The following METTL21A variants were observed in gnomAD, a reference collection of about 807,000 sequenced individuals.
The protein encoded by METTL21A is protein N-lysine methyltransferase METTL21A.
In METTL21A, 22 loss-of-function variants were observed where a neutral mutation model predicts 20.9. That is an observed-to-expected ratio of 1.05 (90% CI 0.75 to 1.50). The LOEUF (loss-of-function observed/expected upper bound fraction) is 1.50, where lower values mean the gene tolerates loss of function less well. METTL21A is among the 40% of genes most tolerant of loss of function. The pLI, the probability that METTL21A is intolerant of heterozygous loss-of-function variation, is 0.00. For missense variants in METTL21A, 271 were observed against 266.8 expected (o/e 1.02, Z -0.11); for synonymous variants, 93 against 102.0 (o/e 0.91, Z 0.53).
rs573459246 is a variant in METTL21A at position 207,582,914 on chromosome 2, A to C, written c.260-754T>G. 7.3e-3 allele frequency: 1,974 copies of C among 271,224 alleles called. 32 individuals are homozygous for C. Among genetic ancestry groups the C allele is most frequent in the African/African-American group, 0.03 (1,208 of 40,906 alleles). The allele number at this position is 271,224 out of a possible 1,614,324, so 16.8% of individuals were successfully genotyped here. ...TCAAAAAAACAAACAAACAAACAAA[A>C]AAAAATATATATATATACATACACA... On this transcript the variant is annotated intron_variant, in intron 3 of 3. Transcript: ENST00000425132.
At chr2:207,580,644 A>C (rs2082852407), downstream of METTL21A, 1 of 220,026 alleles carries the variant, frequency 4.5e-6, no homozygotes. Context: ...ATCACTATCC[A>C]AATTGCCATT....
intron 2 of METTL21A, among the ~76,000 whole-genome samples, chr2:207,623,954 A>C (rs1209786009): frequency 6.6e-6 from 1 of 152,178 alleles, no homozygotes; most frequent in Non-Finnish European, 1.5e-5. Context: ...TTACACCTTT[A>C]AAATGTAATC....
chr2:207,592,426 C>T (rs1049323787), intron 3 of METTL21A, among the ~76,000 whole-genome samples: 1 of 151,130 alleles, frequency 6.6e-6, no homozygotes, highest in African/African-American at 2.4e-5. Flanking sequence ...AAAGATGTCA[C>T]TTTTTTTCTT....
downstream of METTL21A, chr2:207,581,064 CTTTA>C (rs2082900912): frequency 4.7e-6 from 1 of 213,994 alleles, no homozygotes. Context: ...CTTTATGTAA[CTTTA>C]CATTGTAGGG....
At chr2:207,621,624 GA>G (rs2090489867) in intron 3 of METTL21A, among the ~76,000 whole-genome samples, 181 bp downstream of exon 3, 1 of 152,108 alleles carries the variant, frequency 6.6e-6, no homozygotes, top group African/African-American at 2.4e-5. Context: ...TAGAGAGAGA[GA>G]AATTAGCCCG....
chr2:207,600,067 TAGAA>T (rs2086770770), intron 3 of METTL21A: 3 of 187,012 alleles, frequency 1.6e-5, no homozygotes, highest in African/African-American at 2.3e-5. Context: ...AAAAGTGGCT[TAGAA>T]AGGGCTAGAT....
intron 3 of METTL21A, among the ~76,000 whole-genome samples, chr2:207,596,227 A>G (rs1438481238): frequency 6.6e-6 from 1 of 152,158 alleles, no homozygotes; most frequent in African/African-American, 2.4e-5. Context: ...AGAGACTGTT[A>G]GATTTTTTTA....
At chr2:207,597,804 G>T in intron 3 of METTL21A, 1 of 196,538 alleles carries the variant, frequency 5.1e-6, no homozygotes, top group East Asian at 8.0e-5. Context: ...GACAAAGCAT[G>T]GTATTTGAAT....
chr2:207,581,999 G>A, exon 4 of METTL21A: 1 of 700,192 alleles, frequency 1.4e-6, no homozygotes, highest in South Asian at 1.5e-5. Context: ...CAGAGGTATA[G>A]TGTGCCTTTC....
At chr2:207,598,923 A>C (rs1487951098) in intron 3 of METTL21A, 3 of 181,354 alleles carry the variant, frequency 1.7e-5, no homozygotes, top group Non-Finnish European at 3.5e-5. Context: ...CTAATGTTTT[A>C]TATTTAGTCA....
chr2:207,602,814 A>G (rs1234510455), intron 3 of METTL21A: 1 of 218,166 alleles, frequency 4.6e-6, no homozygotes, highest in Non-Finnish European at 9.2e-6. Context: ...AGGGGTGGCA[A>G]AGAAGAGTGC....
Position 207,613,373 on chromosome 2 carries a change from TA to T in METTL21A, c.329del (p.Leu110TyrfsTer14). 6.2e-7 allele frequency: 1 copy of T among 1,611,984 alleles called. No individual in the cohort carries two copies. The highest frequency in any genetic ancestry group is 8.5e-7 in the Non-Finnish European group (1 of 1,179,560). On this transcript the variant is annotated frameshift_variant, in exon 4 of 4. Coordinates refer to ENST00000406927, the Ensembl canonical transcript of METTL21A. LOFTEE classifies it high-confidence loss of function. ...CAGTTTTAGTTTGGATATGAGGAGG[TA>T]AGTTGGCTTGAACGTTTGATTTAAG...
intron 3 of METTL21A, among the ~76,000 whole-genome samples, chr2:207,583,183 TATA>T (rs1462628134): frequency 6.6e-6 from 1 of 152,108 alleles, no homozygotes; most frequent in African/African-American, 2.4e-5. Flanking sequence ...TATATGCAAA[TATA>T]ATGCCATTTT....
intron 2 of METTL21A, among the ~76,000 whole-genome samples, chr2:207,622,745 A>T (rs2090646565): frequency 6.6e-6 from 1 of 152,210 alleles, no homozygotes; most frequent in Admixed American, 6.5e-5. Context: ...TGGATACTTG[A>T]TGTGTGGTTT....
intron 3 of METTL21A, among the ~76,000 whole-genome samples, chr2:207,595,413 T>G (rs1056719426): frequency 6.6e-5 from 10 of 151,988 alleles, no homozygotes; most frequent in African/African-American, 1.7e-4. Context: ...TCTTTATATA[T>G]TCTAGATTTT....
At chr2:207,600,201 T>C (rs534364298) in intron 3 of METTL21A, 3 of 172,564 alleles carry the variant, frequency 1.7e-5, no homozygotes, top group African/African-American at 7.2e-5. Context: ...CATTTAGATA[T>C]TCTTGGGGGG....
downstream of METTL21A, among the ~76,000 whole-genome samples, chr2:207,605,643 CTTT>C (rs1237781125): frequency 1.1e-4 from 17 of 152,218 alleles, no homozygotes; most frequent in African/African-American, 3.9e-4. Context: ...CTCCCTCTCC[CTTT>C]TTTTACACAA....
chr2:207,607,688 C>CTTTTTTTTTTTTT (rs1347132785), downstream of METTL21A, among the ~76,000 whole-genome samples: 2 of 143,972 alleles, frequency 1.4e-5, no homozygotes, highest in African/African-American at 2.6e-5. Flanking sequence ...ATCATACATA[C>CTTTTTTTTTTTTT]ATTTTAACAT....
At chr2:207,601,391 AT>A (rs2087026077) in intron 3 of METTL21A, 3 of 186,456 alleles carry the variant, frequency 1.6e-5, no homozygotes, top group East Asian at 1.7e-4. Context: ...TGATTAAAAT[AT>A]TTTAGCACCT....
Sources: gnomAD v4.1 joint callset for allele counts (sites outside exome capture counted in the v4.1 genomes callset) on GRCh38, gnomAD v4.1.1 for gene constraint, MANE v1.5 for transcripts, NCBI Gene and HGNC (gene_info 2026-07-23, HGNC 2026-07-21) for gene names.